GRID2: variants seen among roughly 807,000 people sequenced by gnomAD.
The protein encoded by GRID2 is glutamate ionotropic receptor delta type subunit 2, also known as glutamate receptor ionotropic, delta-2.
Under a neutral mutation model 114.8 loss-of-function variants are expected in GRID2, and 33 were observed. That is an observed-to-expected ratio of 0.29 (90% CI 0.22 to 0.38). The LOEUF (loss-of-function observed/expected upper bound fraction) is 0.38, where lower values mean the gene tolerates loss of function less well. Among genes scored for constraint, GRID2 ranks in the 10% least tolerant of loss-of-function variants. The pLI, the probability that GRID2 is intolerant of heterozygous loss-of-function variation, is 1.00. For missense variants in GRID2, 1,184 were observed against 1,257.7 expected (o/e 0.94, Z 0.89); for synonymous variants, 505 against 449.9 (o/e 1.12, Z -1.55).
chr4:92,315,993 C>CAAAAAAAAAAAAAAAAAAAAAAAAAAGA (rs778361565), intron 1 of GRID2, among the ~76,000 whole-genome samples: 46 of 61,738 alleles, frequency 7.5e-4, no homozygotes, highest in Non-Finnish European at 9.6e-4. Context: ...AAACAAAAAG[C>CAAAAAAAAAAAAAAAAAAAAAAAAAAGA]AAAAAAAAAA....
chr4:92,704,723 T>TTCTCTCTCTCTCTCTCTCTTTC (rs1734862995), intron 2 of GRID2, among the ~76,000 whole-genome samples: 1 of 90,050 alleles, frequency 1.1e-5, no homozygotes, highest in African/African-American at 4.2e-5. Context: ...CTCTCTCTCT[T>TTCTCTCTCTCTCTCTCTCTTTC]TCTCTCTCTC....
chr4:92,840,360 T>G (rs965438607), intron 2 of GRID2, among the ~76,000 whole-genome samples: 1 of 152,008 alleles, frequency 6.6e-6, no homozygotes, highest in South Asian at 2.1e-4. Context: ...TCCTGCCATT[T>G]TTTTAAATTT....
intron 8 of GRID2, among the ~76,000 whole-genome samples, chr4:93,363,405 G>A (rs1762053537): frequency 6.6e-6 from 1 of 152,090 alleles, no homozygotes; most frequent in African/African-American, 2.4e-5. Flanking sequence ...TGATGATTTT[G>A]TCCATTACAG....
chr4:93,562,858 T>C (rs1735053440), intron 13 of GRID2, among the ~76,000 whole-genome samples: 1 of 152,098 alleles, frequency 6.6e-6, no homozygotes, highest in East Asian at 1.9e-4. Flanking sequence ...TGTGAGTCTA[T>C]ATCTGGGCTC....
intron 14 of GRID2, among the ~76,000 whole-genome samples, chr4:93,758,118 T>C (rs921694280): frequency 6.6e-6 from 1 of 152,212 alleles, no homozygotes; most frequent in Non-Finnish European, 1.5e-5. Flanking sequence ...GTTATGTTAC[T>C]GTCTAAACAC....
At chr4:92,985,484 G>A (rs2149194721) in intron 2 of GRID2, among the ~76,000 whole-genome samples, 1 of 152,068 alleles carries the variant, frequency 6.6e-6, no homozygotes, top group Middle Eastern at 3.4e-3. Context: ...TGATCTGCCC[G>A]CCTCAGCCTT....
chr4:93,727,496 C>T (rs1404613809), intron 14 of GRID2, among the ~76,000 whole-genome samples: 1 of 152,150 alleles, frequency 6.6e-6, no homozygotes, highest in Non-Finnish European at 1.5e-5. Flanking sequence ...TGATGCTGGC[C>T]TCATAAAATG....
intron 1 of GRID2, among the ~76,000 whole-genome samples, chr4:92,505,638 A>G (rs1424746629): frequency 6.6e-6 from 1 of 151,978 alleles, no homozygotes; most frequent in Non-Finnish European, 1.5e-5. Flanking sequence ...GTGAGGTGAC[A>G]AGGAAAGCTT....
intron 2 of GRID2, among the ~76,000 whole-genome samples, chr4:93,057,085 T>C (rs1727318309): frequency 6.6e-6 from 1 of 151,906 alleles, no homozygotes; most frequent in Non-Finnish European, 1.5e-5. Context: ...TACAGCTCTA[T>C]ATAATTGAAG....
chr4:93,490,695 C>T lies in GRID2; in HGVS notation c.1915C>T (p.Leu639=), dbSNP rs1308285700. Residue 639 remains leucine (L), a synonymous_variant, in exon 12 of 16, where the codon CTA becomes TTA. Transcript: ENST00000282020. ...ATRMMMGAWW[L]FALIVISSYT... Reference sequence around the variant, plus strand: ...CCGAATGATGATGGGGGCTTGGTGGCTATTTGCTTTGATTGTTATCTCATC... The same window carrying T: ...CCGAATGATGATGGGGGCTTGGTGGTTATTTGCTTTGATTGTTATCTCATC... 1 of 1,609,788 alleles carries T rather than the reference C, an allele frequency of 6.2e-7. No homozygotes were observed. Among genetic ancestry groups the T allele is most frequent in the Admixed American group, 1.7e-5 (1 of 59,800 alleles).
chr4:92,893,168 T>C (rs1746910176), intron 2 of GRID2, among the ~76,000 whole-genome samples: 1 of 152,166 alleles, frequency 6.6e-6, no homozygotes. Context: ...ATGTAGATTT[T>C]TTTTCTGAGT....
intron 2 of GRID2, among the ~76,000 whole-genome samples, chr4:92,890,466 C>G (rs574719615): frequency 6.6e-6 from 1 of 152,108 alleles, no homozygotes; most frequent in South Asian, 2.1e-4. Context: ...TGAACAGACA[C>G]TTTTCAAAAG....
At chr4:93,295,220 A>G (rs1466281202) in intron 8 of GRID2, among the ~76,000 whole-genome samples, 1 of 152,214 alleles carries the variant, frequency 6.6e-6, no homozygotes, top group African/African-American at 2.4e-5. Flanking sequence ...CATGGGGAAG[A>G]TTTAAAATAA....
intron 1 of GRID2, among the ~76,000 whole-genome samples, chr4:92,359,534 T>C (rs576427716): frequency 1.3e-5 from 2 of 151,976 alleles, no homozygotes; most frequent in African/African-American, 4.8e-5. Flanking sequence ...CCCAGCACAA[T>C]GCCTGGCAGT....
intron 2 of GRID2, among the ~76,000 whole-genome samples, chr4:92,974,352 A>G (rs976444778): frequency 6.6e-6 from 1 of 152,158 alleles, no homozygotes; most frequent in Admixed American, 6.5e-5. Context: ...TACCCAAAGG[A>G]TTATAAATCA....
intron 2 of GRID2, among the ~76,000 whole-genome samples, chr4:93,049,420 CTTTG>C (rs970811787): frequency 4.0e-5 from 6 of 151,714 alleles, no homozygotes; most frequent in African/African-American, 1.5e-4. Flanking sequence ...TCTCTGTTTT[CTTTG>C]TTCTTTTACT....
intron 4 of GRID2, among the ~76,000 whole-genome samples, chr4:93,138,965 T>G (rs1398310867): frequency 6.6e-6 from 1 of 152,230 alleles, no homozygotes; most frequent in Non-Finnish European, 1.5e-5. Context: ...CTCCTGCTAT[T>G]CTTTCATTTA....
At chr4:93,002,965 G>A (rs1437028075) in intron 2 of GRID2, among the ~76,000 whole-genome samples, 1 of 151,458 alleles carries the variant, frequency 6.6e-6, no homozygotes, top group African/African-American at 2.4e-5. Context: ...CCATCTTCAC[G>A]TCTCCTAATT....
intron 12 of GRID2, among the ~76,000 whole-genome samples, chr4:93,501,746 C>T (rs1728130521): frequency 6.6e-6 from 1 of 152,082 alleles, no homozygotes; most frequent in South Asian, 2.1e-4. Context: ...TCTGTTTACA[C>T]TGAGCTCACC....
Sources: gnomAD v4.1 joint callset for allele counts (sites outside exome capture counted in the v4.1 genomes callset) on GRCh38, gnomAD v4.1.1 for gene constraint, MANE v1.5 for transcripts, NCBI Gene and HGNC (gene_info 2026-07-23, HGNC 2026-07-21) for gene names.